Variants in MARCHF2 observed in about 807,000 individuals in gnomAD.
MARCHF2 encodes membrane associated ring-CH-type finger 2.
In MARCHF2, 22 loss-of-function variants were observed where a neutral mutation model predicts 24.0. That is an observed-to-expected ratio of 0.92 (90% CI 0.66 to 1.31). MARCHF2 has a LOEUF of 1.31. Ranked by LOEUF, MARCHF2 falls within the 50% of genes most tolerant of loss-of-function variation. The probability of loss-of-function intolerance (pLI) is 0.00; values close to 1 mark genes in which losing one functional copy is unlikely to be tolerated. For synonymous variants in MARCHF2, 154 were observed against 153.0 expected, an observed-to-expected ratio of 1.01 and a Z score of -0.05; for missense variants, 301 against 335.3, an observed-to-expected ratio of 0.90 and a Z score of 0.80.
At chr19:8,429,546 C>A (rs914050270) in intron 3 of MARCHF2, among the ~76,000 whole-genome samples, 1 of 150,586 alleles carries the variant, frequency 6.6e-6, no homozygotes, top group Non-Finnish European at 1.5e-5. Context: ...ACTCTGTCAC[C>A]CAGGCTGGAG....
intron 3 of MARCHF2, among the ~76,000 whole-genome samples, chr19:8,429,908 G>C (rs1409276587): frequency 6.7e-6 from 1 of 149,192 alleles, no homozygotes; most frequent in East Asian, 2.0e-4. Flanking sequence ...CCTGGAGCAA[G>C]ACTTCCCAGG....
chr19:8,422,088 C>A, intron 2 of MARCHF2, 72 bp downstream of exon 2: 1 of 1,500,644 alleles, frequency 6.7e-7, no homozygotes, highest in South Asian at 1.3e-5. Context: ...TTTCTCCCAG[C>A]CTGGGGTTAG....
chr19:8,416,047 A>G (rs1967079016), intron 1 of MARCHF2, among the ~76,000 whole-genome samples: 1 of 151,948 alleles, frequency 6.6e-6, no homozygotes, highest in South Asian at 2.1e-4. Flanking sequence ...GAGGATTGAG[A>G]AATGACTACA....
intron 4 of MARCHF2, among the ~76,000 whole-genome samples, chr19:8,434,831 C>T (rs921610491): frequency 9.9e-5 from 15 of 151,946 alleles, no homozygotes; most frequent in African/African-American, 1.9e-4. Context: ...CTCAGCCTCC[C>T]GAGTAGCTGG....
chr19:8,429,284 G>A (rs1255412170), intron 3 of MARCHF2, among the ~76,000 whole-genome samples: 1 of 151,894 alleles, frequency 6.6e-6, no homozygotes, highest in Non-Finnish European at 1.5e-5. Context: ...TGGGAGGGCA[G>A]GGGCCCTTTC....
At chr19:8,424,000 AAAAG>A (rs945139991) in intron 2 of MARCHF2, among the ~76,000 whole-genome samples, 2 of 151,452 alleles carry the variant, frequency 1.3e-5, no homozygotes, top group East Asian at 1.9e-4. Context: ...AAAAAAAAAA[AAAAG>A]AAAGAAAAAA....
At chr19:8,432,145 G>A (rs1967602813) in intron 4 of MARCHF2, among the ~76,000 whole-genome samples, 1 of 151,854 alleles carries the variant, frequency 6.6e-6, no homozygotes. Context: ...GCGACAGAGT[G>A]AGATTCTGTC....
chr19:8,428,649 C>CAAAAAAAAAAAAA lies in MARCHF2; in HGVS notation c.372+1867_372+1879dup, dbSNP rs59542078. Among the ~76,000 whole-genome samples the CAAAAAAAAAAAAA allele has an allele frequency of 5.9e-4, 18 of 30,644 alleles. 2 individuals are homozygous for CAAAAAAAAAAAAA. Among genetic ancestry groups the CAAAAAAAAAAAAA allele is most frequent in the African/African-American group, 1.2e-3 (9 of 7,608 alleles). 20.1% of individuals were successfully genotyped at this position (30,644 alleles called of 152,430 possible). On this transcript the variant is annotated intron_variant, in intron 3 of 4. Coordinates refer to ENST00000215555, the MANE Select transcript of MARCHF2 (RefSeq NM_001005415.2). Reference sequence around the variant, plus strand: ...TGGGCAACAGATTGAGACTCTATCTCAAAAAAAAAAAAAAAAAAAAAAAAA... The same window carrying CAAAAAAAAAAAAA: ...TGGGCAACAGATTGAGACTCTATCTCAAAAAAAAAAAAAAAAAAAAAAAAAAAAAAAAAAAAAA...
At chr19:8,414,132 C>T (rs752982118) in intron 1 of MARCHF2, among the ~76,000 whole-genome samples, 5 of 152,158 alleles carry the variant, frequency 3.3e-5, no homozygotes, top group Non-Finnish European at 7.3e-5. Context: ...TTATTGAGCA[C>T]TTACTGTGTG....
Position 8,430,604 on chromosome 19 carries a change from T to A in MARCHF2, c.373-54T>A. On this transcript the variant is annotated intron_variant, in intron 3 of 4. Coordinates refer to ENST00000215555, the MANE Select transcript of MARCHF2 (RefSeq NM_001005415.2). The surrounding 1 kb of genome is among the most constrained non-coding windows in gnomAD (Gnocchi z 4.4). ...GCCTGGAGGTCCTTACCCCTCCCCC[T>A]CAGTAGCCCCTTCTCTGCCCCCTCT... The A allele has an allele frequency of 1.4e-6, 2 of 1,419,672 alleles. No individual in the cohort carries two copies. Among genetic ancestry groups the A allele is most frequent in the Non-Finnish European group, 2.0e-6 (2 of 1,021,554 alleles). The allele number at this position is 1,419,672 out of a possible 1,614,324, so 87.9% of individuals were successfully genotyped here.
chr19:8,421,382 C>CTTTTTTTTTTT (rs1254772289), intron 1 of MARCHF2, among the ~76,000 whole-genome samples: 975 of 111,618 alleles, frequency 8.7e-3, no homozygotes, highest in Non-Finnish European at 0.013. Context: ...TCTTTCTTTT[C>CTTTTTTTTTTT]TTTTTTTTTT....
chr19:8,436,662 T>TGG (rs1287021212), intron 4 of MARCHF2, among the ~76,000 whole-genome samples: 1 of 149,066 alleles, frequency 6.7e-6, no homozygotes, highest in African/African-American at 2.5e-5. Context: ...GTTATTTTCG[T>TGG]GGCTTAAGGG....
intron 4 of MARCHF2, among the ~76,000 whole-genome samples, chr19:8,432,659 C>A (rs1967613207): frequency 6.6e-6 from 1 of 151,756 alleles, no homozygotes; most frequent in South Asian, 2.1e-4. Context: ...GGCATGGTGG[C>A]ACATGCCTGT....
chr19:8,425,425 T>G (rs1967371540), intron 2 of MARCHF2, among the ~76,000 whole-genome samples: 1 of 151,782 alleles, frequency 6.6e-6, no homozygotes, highest in Non-Finnish European at 1.5e-5. Context: ...AATTTTTTTT[T>G]TATAGAGATG....
At chr19:8,427,116 C>T (rs989881993) in intron 3 of MARCHF2, among the ~76,000 whole-genome samples, 2 of 152,066 alleles carry the variant, frequency 1.3e-5, no homozygotes, top group Non-Finnish European at 2.9e-5. Flanking sequence ...GGTGCGATCT[C>T]GGCTCACTGC....
Position 8,430,568 on chromosome 19 carries a change from G to A in MARCHF2, c.373-90G>A, listed in dbSNP as rs1967551116. 1 of 975,198 alleles carries A rather than the reference G, an allele frequency of 1.0e-6. No homozygotes were observed. The highest frequency in any genetic ancestry group is 1.6e-6 in the Non-Finnish European group (1 of 638,378). The allele number at this position is 975,198 out of a possible 1,614,324, so 60.4% of individuals were successfully genotyped here. On this transcript the variant is annotated intron_variant, in intron 3 of 4. Transcript: ENST00000215555. This position sits in a 1 kb window ranked among gnomAD's most constrained non-coding sequence, Gnocchi z 4.4. Reference sequence around the variant, plus strand: ...AAAAAAGAAAGAAGGAAAGGACAGAGGGAGGCCTAGGCCTGGAGGTCCTTA... The same window carrying A: ...AAAAAAGAAAGAAGGAAAGGACAGAAGGAGGCCTAGGCCTGGAGGTCCTTA...
chr19:8,413,633 C>G (rs920873060), intron 1 of MARCHF2: 1 of 152,184 alleles, frequency 6.6e-6, no homozygotes, highest in African/African-American at 2.4e-5. Flanking sequence ...CCTCGGTTTC[C>G]CCACCTGTGA....
chr19:8,430,231 C>T lies in MARCHF2; in HGVS notation c.373-427C>T, dbSNP rs34350946. On this transcript the variant is annotated intron_variant, in intron 3 of 4. Transcript: ENST00000215555. The surrounding 1 kb of genome is among the most constrained non-coding windows in gnomAD (Gnocchi z 4.4). Reference sequence around the variant, plus strand: ...ATACAAAATTAGCAGGGCATGGTGGCGCTTGCCTATAATCCCAGCTACTCG... The same window carrying T: ...ATACAAAATTAGCAGGGCATGGTGGTGCTTGCCTATAATCCCAGCTACTCG... Among the ~76,000 whole-genome samples, 11,682 of 152,078 alleles carry T rather than the reference C, an allele frequency of 0.077. 814 individuals carry two copies. The highest frequency in any genetic ancestry group is 0.18 in the African/African-American group (7,539 of 41,454).
At position 8,430,520 on chromosome 19, in the gene MARCHF2, G is replaced by A. The variant is rs1967549581; in HGVS notation, c.373-138G>A. On this transcript the variant is annotated intron_variant, in intron 3 of 4. Coordinates refer to ENST00000215555, the MANE Select transcript of MARCHF2 (RefSeq NM_001005415.2). The surrounding 1 kb of genome is among the most constrained non-coding windows in gnomAD (Gnocchi z 4.4). ...ATTGCACTCCATCCTGGGCAACAGA[G>A]TGAGAATCTGTCTCAAAAAAAAAAA... is the stretch of plus-strand genomic sequence containing the variant. The A allele has an allele frequency of 1.5e-6, 1 of 663,966 alleles. No individual in the cohort carries two copies. The allele number at this position is 663,966 out of a possible 1,614,324, so 41.1% of individuals were successfully genotyped here. A position where few individuals can be genotyped will look rare whatever the true frequency, so the allele number is the denominator to read the frequency against.
Sources: gnomAD v4.1 joint callset for allele counts (sites outside exome capture counted in the v4.1 genomes callset) on GRCh38, gnomAD v4.1.1 for gene constraint, Gnocchi (gnomAD v3.1) non-coding constraint, MANE v1.5 for transcripts, NCBI Gene and HGNC (gene_info 2026-07-23, HGNC 2026-07-21) for gene names.